TRPM1: variants seen among roughly 807,000 people sequenced by gnomAD.
TRPM1 encodes the protein TRPM1-203 APA Isoform, Intron 10.
A neutral mutation model predicts 149.4 loss-of-function variants in TRPM1; 113 were observed. That is an observed-to-expected ratio of 0.76 (90% CI 0.65 to 0.88). The LOEUF (loss-of-function observed/expected upper bound fraction) is 0.88. TRPM1 is among the 40% of genes least tolerant of loss of function. The probability of loss-of-function intolerance (pLI) is 0.00; values close to 1 mark genes in which losing one functional copy is unlikely to be tolerated. For missense variants in TRPM1, 1,976 were observed against 2,038.7 expected (o/e 0.97, Z 0.59); for synonymous variants, 741 against 759.5 (o/e 0.98, Z 0.40).
At chr15:31,156,980 C>T (rs1165457776) in intron 1 of TRPM1, among the ~76,000 whole-genome samples, 1 of 150,790 alleles carries the variant, frequency 6.6e-6, no homozygotes, top group Non-Finnish European at 1.5e-5. Context: ...GGCTAGAGTG[C>T]AGCTCGCTGC....
At chr15:31,026,110 C>A (rs752332562) in intron 27 of TRPM1, 29 bp downstream of exon 27, 11 of 1,608,228 alleles carry the variant, frequency 6.8e-6, no homozygotes, top group Non-Finnish European at 9.3e-6. Flanking sequence ...CCTTGGCTCA[C>A]GGGCCCGCGG....
intron 2 of TRPM1, among the ~76,000 whole-genome samples, chr15:31,077,749 CTA>C (rs1244124299): frequency 6.6e-6 from 1 of 151,294 alleles, no homozygotes; most frequent in Admixed American, 6.6e-5. Flanking sequence ...TGTGTGTGTG[CTA>C]TGTTTGTGTA....
intron 3 of TRPM1, among the ~76,000 whole-genome samples, chr15:31,072,007 ATATATATATATAGAGAGAG>A: frequency 2.7e-5 from 1 of 37,488 alleles, no homozygotes; most frequent in Non-Finnish European, 6.5e-5. Flanking sequence ...ATATATATAT[ATATATATATATAGAGAGAG>A]AGAGAGAGAG....
chr15:31,026,943 C>A lies in TRPM1; in HGVS notation c.3468G>T (p.Gly1156=). 6.2e-7 allele frequency: 1 copy of A among 1,613,924 alleles called. No homozygotes were observed. Among genetic ancestry groups the A allele is most frequent in the Non-Finnish European group, 8.5e-7 (1 of 1,180,004 alleles). ...ATCCACGATCCCGTTCCTCTTGGTC[C>A]CCTTCTCTCTTTTTCCTGCAGCGGC... The part of the protein sequence containing the change: ...LSGRCRKKRE[G]DQEERDRGLK... The change falls in exon 26 of 28, where the codon GGG becomes GGT. Residue 1156 remains glycine, a synonymous_variant. Transcript: ENST00000256552.
At chr15:31,113,108 G>A (rs1282545203) in intron 1 of TRPM1, among the ~76,000 whole-genome samples, 1 of 152,102 alleles carries the variant, frequency 6.6e-6, no homozygotes, top group Admixed American at 6.6e-5. Context: ...TGCTGTCTTG[G>A]CTTTAGGTAG....
intron 1 of TRPM1, among the ~76,000 whole-genome samples, chr15:31,116,669 C>G (rs1596082715): frequency 6.6e-6 from 1 of 152,010 alleles, no homozygotes; most frequent in Admixed American, 6.6e-5. Context: ...TTACCGGCAT[C>G]ACCAGAGGCT....
chr15:31,049,918 G>T (rs1485397199), intron 12 of TRPM1, among the ~76,000 whole-genome samples: 1 of 152,160 alleles, frequency 6.6e-6, no homozygotes, highest in Non-Finnish European at 1.5e-5. Context: ...CACCACAGAG[G>T]CCTGGTCCCC....
chr15:31,047,017 G>T (rs1251612901), intron 15 of TRPM1, 94 bp downstream of exon 15: 33 of 1,544,134 alleles, frequency 2.1e-5, no homozygotes, highest in Non-Finnish European at 2.9e-5. Context: ...AGGGCGAAGG[G>T]CTTGGCTCTG....
At chr15:31,038,928 C>T (rs1336828251) in intron 18 of TRPM1, among the ~76,000 whole-genome samples, 1 of 151,288 alleles carries the variant, frequency 6.6e-6, no homozygotes, top group Non-Finnish European at 1.5e-5. Context: ...CTAACATGGG[C>T]TCGGCCTAGA....
At chr15:31,103,827 A>G (rs548026612), upstream of TRPM1, among the ~76,000 whole-genome samples, 68 of 143,272 alleles carry the variant, frequency 4.7e-4, no homozygotes, top group South Asian at 4.8e-3. Flanking sequence ...AAAAAAAAAA[A>G]AGAGAGAAAG....
chr15:31,123,331 T>C (rs762623283), intron 1 of TRPM1, among the ~76,000 whole-genome samples: 1 of 152,186 alleles, frequency 6.6e-6, no homozygotes, highest in Non-Finnish European at 1.5e-5. Context: ...AAAAAATTGA[T>C]AAACTTTACT....
chr15:31,112,622 G>C (rs990686001), intron 1 of TRPM1, among the ~76,000 whole-genome samples: 5 of 152,134 alleles, frequency 3.3e-5, no homozygotes, highest in Non-Finnish European at 7.3e-5. Context: ...AGATGAAAAG[G>C]CGTGGTGTCC....
At chr15:31,079,768 A>G (rs1348467120) in intron 2 of TRPM1, among the ~76,000 whole-genome samples, 1 of 152,230 alleles carries the variant, frequency 6.6e-6, no homozygotes, top group East Asian at 1.9e-4. Flanking sequence ...GGCTCCCTTA[A>G]TGGGCTTCAC....
At chr15:31,045,115 G>A (rs2033727635) in intron 16 of TRPM1, among the ~76,000 whole-genome samples, 1 of 152,150 alleles carries the variant, frequency 6.6e-6, no homozygotes, top group Non-Finnish European at 1.5e-5. Flanking sequence ...GAGAGAACAG[G>A]AGATCACAGA....
chr15:31,005,009 C>T (rs1319514552), intron 27 of TRPM1, among the ~76,000 whole-genome samples: 3 of 151,756 alleles, frequency 2.0e-5, no homozygotes, highest in East Asian at 1.9e-4. Context: ...GGCTGAGGCA[C>T]GAGAATTGCT....
chr15:31,047,095 A>G lies in TRPM1; in HGVS notation c.1764+16T>C, dbSNP rs372964377. ...ACTCGCGAACCACAGAACACTACAC[A>G]GGCACTGAGTTCTACCCTCTTTGGT... is the stretch of plus-strand genomic sequence containing the variant. On this transcript the variant is annotated intron_variant, in intron 15 of 27. Coordinates refer to ENST00000256552, the MANE Select transcript of TRPM1 (RefSeq NM_001252024.2). 32 of 1,614,220 alleles carry G rather than the reference A, an allele frequency of 2.0e-5. No homozygotes were observed. The African/African-American group carries it at 2.4e-4, about 12-fold the overall frequency.
intron 2 of TRPM1, among the ~76,000 whole-genome samples, chr15:31,077,594 A>G (rs1185561549): frequency 1.3e-5 from 2 of 151,940 alleles, no homozygotes; most frequent in African/African-American, 2.4e-5. Flanking sequence ...GGTGGGAGGG[A>G]GGTGCAGGCA....
intron 1 of TRPM1, among the ~76,000 whole-genome samples, chr15:31,114,025 T>G (rs1481006905): frequency 6.6e-6 from 1 of 152,156 alleles, no homozygotes; most frequent in Admixed American, 6.5e-5. Context: ...TGCTGATTGG[T>G]CCATTTTTAC....
chr15:31,028,638 G>C (rs7172938), intron 24 of TRPM1, among the ~76,000 whole-genome samples, 162 bp from the exon 25 acceptor site: 6 of 151,456 alleles, frequency 4.0e-5, no homozygotes, highest in African/African-American at 1.5e-4. Flanking sequence ...TGTAGCCCCA[G>C]CTACTCGGGA....
Sources: gnomAD v4.1 joint callset for allele counts (sites outside exome capture counted in the v4.1 genomes callset) on GRCh38, gnomAD v4.1.1 for gene constraint, MANE v1.5 for transcripts, NCBI Gene and HGNC (gene_info 2026-07-23, HGNC 2026-07-21) for gene names.